AIDA: variants seen among roughly 807,000 people sequenced by gnomAD.
AIDA encodes axin interactor, dorsalization associated.
A neutral mutation model predicts 42.7 loss-of-function variants in AIDA; 18 were observed. That is an observed-to-expected ratio of 0.42 (90% CI 0.29 to 0.63). The LOEUF (loss-of-function observed/expected upper bound fraction) is 0.63, where lower values mean the gene tolerates loss of function less well. AIDA is among the 20% of genes least tolerant of loss of function. AIDA has a pLI of 0.19. For synonymous variants in AIDA, 104 were observed against 122.9 expected (o/e 0.85, Z 1.02); for missense variants, 250 against 354.1 (o/e 0.71, Z 2.36).
At chr1:222,699,866 G>C (rs1655638822) in intron 2 of AIDA, among the ~76,000 whole-genome samples, 1 of 151,888 alleles carries the variant, frequency 6.6e-6, no homozygotes. Context: ...CCGCCTCCCG[G>C]GTTCATGCCA....
At chr1:222,676,368 A>G (rs1571924555) in intron 6 of AIDA, 150 bp from the exon 7 acceptor site, 1 of 824,356 alleles carries the variant, frequency 1.2e-6, no homozygotes. Context: ...GCTTGGCATT[A>G]TTTTTCCAAA....
chr1:222,707,768 C>A (rs1471514101), intron 1 of AIDA, among the ~76,000 whole-genome samples: 1 of 152,226 alleles, frequency 6.6e-6, no homozygotes, highest in Non-Finnish European at 1.5e-5. Context: ...CCACAGCATT[C>A]TGTGACATAG....
intron 2 of AIDA, among the ~76,000 whole-genome samples, chr1:222,698,133 G>A (rs1451974250): frequency 6.6e-6 from 1 of 152,170 alleles, no homozygotes; most frequent in Non-Finnish European, 1.5e-5. Context: ...GAACTGAAAT[G>A]AAAGCTAAGT....
At chr1:222,678,572 A>C (rs1210970712) in intron 6 of AIDA, among the ~76,000 whole-genome samples, 2 of 152,116 alleles carry the variant, frequency 1.3e-5, no homozygotes, top group Admixed American at 6.6e-5. Flanking sequence ...TCTAACTACT[A>C]AATATATTTC....
At position 222,669,998 on chromosome 1, in the gene AIDA, A is replaced by AC. The variant is rs775836965; in HGVS notation, c.825-10dup. ...CAGTGGGTTTCTTGTATCTGTAATCACAACAGAAAGACCATTGTTTAAAAT... is the reference window on the plus strand; with the variant it reads ...CAGTGGGTTTCTTGTATCTGTAATCACCAACAGAAAGACCATTGTTTAAAAT... On this transcript the variant is annotated splice_polypyrimidine_tract_variant and intron_variant, in intron 9 of 9. Transcript: ENST00000340020. The AC allele has an allele frequency of 2.0e-5, 33 of 1,614,034 alleles. No homozygotes were observed. The South Asian group carries it at 3.4e-4, about 17-fold the overall frequency.
At chr1:222,691,802 GA>G (rs67887226) in intron 4 of AIDA, among the ~76,000 whole-genome samples, 22,207 of 151,788 alleles carry the variant, frequency 0.15, 2,739 homozygotes, top group African/African-American at 0.34. Flanking sequence ...TAAAATGGGG[GA>G]AAAAATCAAC....
At chr1:222,684,883 G>A (rs964660543) in intron 6 of AIDA, among the ~76,000 whole-genome samples, 6 of 152,134 alleles carry the variant, frequency 3.9e-5, no homozygotes, top group African/African-American at 1.4e-4. Context: ...CAGAAGTACA[G>A]TAAGCAGGAA....
chr1:222,685,689 C>T (rs979373220), intron 6 of AIDA, among the ~76,000 whole-genome samples: 1 of 152,108 alleles, frequency 6.6e-6, no homozygotes, highest in Non-Finnish European at 1.5e-5. Context: ...AAGAAATTTA[C>T]CCAGGGTGCT....
intron 6 of AIDA, among the ~76,000 whole-genome samples, chr1:222,678,528 C>CT (rs34007743): frequency 2.0e-5 from 3 of 151,250 alleles, no homozygotes; most frequent in African/African-American, 4.9e-5. Flanking sequence ...TACCAACAAA[C>CT]TTTTTTTTTG....
At chr1:222,694,332 AT>A in intron 2 of AIDA, 69 bp from the exon 3 acceptor site, 1 of 1,255,616 alleles carries the variant, frequency 8.0e-7, no homozygotes, top group Non-Finnish European at 1.1e-6. Flanking sequence ...CATCAAGTTA[AT>A]TTTTATTAAT....
At chr1:222,685,204 G>GT (rs759239335) in intron 6 of AIDA, among the ~76,000 whole-genome samples, 8 of 152,176 alleles carry the variant, frequency 5.3e-5, no homozygotes, top group Non-Finnish European at 1.2e-4. Flanking sequence ...GATGACAAGC[G>GT]TAACAGCCAC....
At chr1:222,689,436 T>C (rs1201867741) in intron 4 of AIDA, among the ~76,000 whole-genome samples, 2 of 143,860 alleles carry the variant, frequency 1.4e-5, no homozygotes, top group Admixed American at 7.0e-5. Context: ...CCAGACTGTC[T>C]CAAAAGCTGT....
chr1:222,689,383 C>T (rs911342803), intron 4 of AIDA, among the ~76,000 whole-genome samples: 1 of 149,062 alleles, frequency 6.7e-6, no homozygotes, highest in African/African-American at 2.5e-5. Flanking sequence ...GAGGTTGCAG[C>T]GAGCGGAGAT....
chr1:222,685,315 C>T (rs149259412), intron 6 of AIDA, among the ~76,000 whole-genome samples: 44 of 152,176 alleles, frequency 2.9e-4, no homozygotes, highest in African/African-American at 9.6e-4. Context: ...TATCATTATC[C>T]CATTTTATAA....
rs1664457833 is a variant in AIDA, at chr1:222,672,019, G to A, written c.706+1294C>T. On this transcript the variant is annotated intron_variant, in intron 8 of 9. Transcript: ENST00000340020. ...ATATATTTCCTGCATCCTTCATCAT[G>A]CTTTTTATAAGAAAGAACAAAATGT... Among the ~76,000 whole-genome samples the A allele has an allele frequency of 2.0e-5, 3 of 152,138 alleles. No individual in the cohort carries two copies. In the South Asian group the frequency reaches 6.2e-4, roughly 31 times the overall value.
intron 8 of AIDA, 69 bp from the exon 9 acceptor site, chr1:222,670,319 G>A (rs1403141667): frequency 7.0e-6 from 9 of 1,281,906 alleles, no homozygotes; most frequent in African/African-American, 3.0e-5. Flanking sequence ...AATTTTCTTT[G>A]ATCACCAGAA....
intron 8 of AIDA, among the ~76,000 whole-genome samples, chr1:222,671,194 C>T (rs1302756814): frequency 6.6e-6 from 1 of 151,946 alleles, no homozygotes; most frequent in Non-Finnish European, 1.5e-5. Flanking sequence ...TGCCACTGTG[C>T]CCCAGCCTGT....
At chr1:222,696,202 G>A (rs1033914103) in intron 2 of AIDA, among the ~76,000 whole-genome samples, 2 of 152,112 alleles carry the variant, frequency 1.3e-5, no homozygotes, top group African/African-American at 4.8e-5. Context: ...AAGATTTCAC[G>A]ATATTCACAG....
chr1:222,689,208 C>T (rs1045818948), intron 4 of AIDA, among the ~76,000 whole-genome samples: 5 of 151,778 alleles, frequency 3.3e-5, no homozygotes, highest in South Asian at 2.1e-4. Context: ...GAGGCTGAGG[C>T]AGATGGATCC....
Sources: gnomAD v4.1 joint callset for allele counts (sites outside exome capture counted in the v4.1 genomes callset) on GRCh38, gnomAD v4.1.1 for gene constraint, MANE v1.5 for transcripts, NCBI Gene and HGNC (gene_info 2026-07-23, HGNC 2026-07-21) for gene names.